The following TUBG2 variants were observed in gnomAD, a reference collection of about 807,000 sequenced individuals.
TUBG2 encodes tubulin gamma-2 chain.
A neutral mutation model predicts 55.1 loss-of-function variants in TUBG2; 39 were observed. The observed-to-expected ratio is 0.71, with a 90% CI of 0.55 to 0.93. The LOEUF is 0.93. TUBG2 is among the 40% of genes least tolerant of loss of function. TUBG2 has a pLI of 0.00. For missense variants in TUBG2, 358 were observed against 599.1 expected (o/e 0.60, Z 4.20); for synonymous variants, 223 against 241.0 (o/e 0.93, Z 0.69).
At position 42,659,543 on chromosome 17, in the gene TUBG2, G is replaced by A; in HGVS notation, c.40G>A (p.Gly14Ser). 2 of 1,549,458 alleles carry A rather than the reference G, an allele frequency of 1.3e-6. No individual in the cohort carries two copies. The highest frequency in any genetic ancestry group is 1.7e-6 in the Non-Finnish European group (2 of 1,146,924). The change falls in exon 1 of 11, where the codon GGC becomes AGC. Residue 14 changes from glycine to serine, a missense_variant. Physicochemically the swap from Gly to Ser is moderately conservative, Grantham distance 56 (BLOSUM62 0). Transcript: ENST00000251412. ...CATCACCCTGCAGCTGGGCCAGTGC[G>A]GCAACCAGAGTGAGCAAGCGAGCGC... is the stretch of plus-strand genomic sequence containing the variant. ...EIITLQLGQCGNQIGFEFWKQ... is the reference protein window; with the variant it reads ...EIITLQLGQCSNQIGFEFWKQ...
chr17:42,666,639 C>A lies in TUBG2; in HGVS notation c.1195C>A (p.Arg399=). 6.2e-7 allele frequency: 1 copy of A among 1,614,228 alleles called. No individual in the cohort carries two copies. Reference sequence around the variant, plus strand: ...TTCCTGCCAGCAGTTTGACAAGCTGCGGAAGCGGGATGCCTTCCTCGAGCA... The same window carrying A: ...TTCCTGCCAGCAGTTTGACAAGCTGAGGAAGCGGGATGCCTTCCTCGAGCA... ...ESSCQQFDKL[R]KRDAFLEQFR... The change falls in exon 11 of 11, where the codon CGG becomes AGG. Residue 399 remains arginine, a synonymous_variant. Transcript: ENST00000251412.
At position 42,659,341 on chromosome 17, in the gene TUBG2, C is replaced by G. The variant is rs530195919; in HGVS notation, c.-163C>G. On this transcript the variant is annotated 5_prime_UTR_variant, in exon 1 of 11. Transcript: ENST00000251412. The stretch of plus-strand genomic sequence containing the variant: ...TGCCCAGGTTGGGCTCCCCGGCCCA[C>G]CGGCCGAGGAGAGGCCTGCGCTGCA... 16 of 663,570 alleles carry G rather than the reference C, an allele frequency of 2.4e-5. No homozygotes were observed. Among genetic ancestry groups the G allele is most frequent in the Non-Finnish European group, 3.8e-5 (16 of 423,312 alleles). 41.1% of individuals were successfully genotyped at this position (663,570 alleles called of 1,614,324 possible).
intron 4 of TUBG2, 49 bp from the exon 5 acceptor site, chr17:42,662,924 G>C: frequency 6.3e-7 from 1 of 1,581,368 alleles, no homozygotes; most frequent in Non-Finnish European, 8.7e-7. Flanking sequence ...ATTGTGTTGT[G>C]AGAGTGTGGC....
At chr17:42,661,738 C>A (rs2052390349) in intron 4 of TUBG2, among the ~76,000 whole-genome samples, 1 of 152,214 alleles carries the variant, frequency 6.6e-6, no homozygotes, top group Non-Finnish European at 1.5e-5. Flanking sequence ...TTTAAAATAT[C>A]CTTTATAACA....
At chr17:42,664,961 G>T (rs2052487108) in intron 6 of TUBG2, among the ~76,000 whole-genome samples, 1 of 149,970 alleles carries the variant, frequency 6.7e-6, no homozygotes, top group East Asian at 1.9e-4. Flanking sequence ...CTGGCCTCGA[G>T]TGGTCCTCCC....
intron 5 of TUBG2, 53 bp from the exon 6 acceptor site, chr17:42,663,324 A>G: frequency 6.2e-7 from 1 of 1,609,412 alleles, no homozygotes; most frequent in South Asian, 1.1e-5. Context: ...ACATATGGGC[A>G]GTGATGGAGG....
intron 4 of TUBG2, chr17:42,661,470 T>C (rs2052381318): frequency 6.6e-6 from 1 of 152,158 alleles, no homozygotes; most frequent in Non-Finnish European, 1.5e-5. Flanking sequence ...GGCCCACCCC[T>C]CACCTCTGGG....
At chr17:42,660,734 T>C (rs1268815466) in intron 4 of TUBG2, 27 bp downstream of exon 4, 1 of 1,610,608 alleles carries the variant, frequency 6.2e-7, no homozygotes, top group African/African-American at 1.3e-5. Flanking sequence ...GGGGAAGGAA[T>C]GGGCAGGGAG....
intron 2 of TUBG2, 25 bp downstream of exon 2, chr17:42,659,971 G>T (rs781686260): frequency 1.1e-5 from 17 of 1,579,688 alleles, no homozygotes; most frequent in Non-Finnish European, 1.5e-5. Context: ...TTGGCCGGGG[G>T]CGGCAGTGGC....
intron 7 of TUBG2, 35 bp from the exon 8 acceptor site, chr17:42,665,643 G>A: frequency 6.2e-7 from 1 of 1,614,058 alleles, no homozygotes; most frequent in Non-Finnish European, 8.5e-7. Flanking sequence ...GTCCCACCCA[G>A]GCCGAGCCCC....
At chr17:42,664,089 G>C (rs2052458599) in intron 6 of TUBG2, among the ~76,000 whole-genome samples, 1 of 151,942 alleles carries the variant, frequency 6.6e-6, no homozygotes, top group Non-Finnish European at 1.5e-5. Flanking sequence ...CTGGGTGACA[G>C]AGCGAGACTC....
chr17:42,660,582 G>A, intron 3 of TUBG2, 57 bp from the exon 4 acceptor site: 1 of 1,526,492 alleles, frequency 6.6e-7, no homozygotes. Context: ...GCTGTGCTGA[G>A]AAAAGATGCT....
At chr17:42,665,989 T>A (rs948556103) in intron 8 of TUBG2, 98 bp from the exon 9 acceptor site, 6 of 1,596,934 alleles carry the variant, frequency 3.8e-6, no homozygotes, top group Non-Finnish European at 5.1e-6. Context: ...TTGCTGACTT[T>A]CTCTCCACCC....
rs752719048 is a variant in TUBG2 at position 42,663,394 on chromosome 17, T to C, written c.497T>C (p.Val166Ala). 4 of 1,614,030 alleles carry C rather than the reference T, an allele frequency of 2.5e-6. No homozygotes were observed. Among genetic ancestry groups the C allele is most frequent in the South Asian group, 1.1e-5 (1 of 91,084 alleles). Residue 166 changes from valine (V) to alanine (A), a missense_variant, in exon 6 of 11, where the codon GTG becomes GCG. This residue lies in a region of TUBG2 where 40 missense variants were observed against 40.4 expected (regional missense o/e 0.99). Transcript: ENST00000251412. ...RLNDRYPKKL[V>A]QTYSVFPYQD... is the part of the protein sequence containing the mutation. The stretch of plus-strand genomic sequence containing the variant: ...TCTCTCAGGTACCCCAAGAAGCTAG[T>C]GCAGACTTATTCAGTGTTTCCCTAC...
rs141301491 is a variant in TUBG2, at chr17:42,664,862, A to ATATG, written c.607-611_607-610insGTAT. 1.2e-3 allele frequency among the ~76,000 whole-genome samples: 180 copies of ATATG among 144,784 alleles called. 1 individual carries two copies. Among genetic ancestry groups the ATATG allele is most frequent in the East Asian group, 9.7e-3 (49 of 5,036 alleles). 95.0% of individuals were successfully genotyped at this position (144,784 alleles called of 152,430 possible). A position where few individuals can be genotyped will look rare whatever the true frequency, so the allele number is the denominator to read the frequency against. On this transcript the variant is annotated intron_variant, in intron 6 of 10. Transcript: ENST00000251412. Reference sequence around the variant, plus strand: ...ATTTTTTATTTATATTTATATATATATATATATATTATATATATTTATACT... The same window carrying ATATG: ...ATTTTTTATTTATATTTATATATATATATGTATATATATTATATATATTTATACT...
intron 3 of TUBG2, 102 bp downstream of exon 3, chr17:42,660,418 A>T (rs2052355995): frequency 1.3e-6 from 2 of 1,563,410 alleles, no homozygotes; most frequent in Admixed American, 1.8e-5. Flanking sequence ...AATAAGAGAC[A>T]AAAGGATGTC....
chr17:42,659,988 G>T, intron 2 of TUBG2, 42 bp downstream of exon 2: 1 of 1,534,318 alleles, frequency 6.5e-7, no homozygotes, highest in South Asian at 1.2e-5. Context: ...TGGCCCAAGG[G>T]GGCGGAAGGG....
At position 42,665,543 on chromosome 17, in the gene TUBG2, T is replaced by C. The variant is rs1567949204; in HGVS notation, c.674T>C (p.Phe225Ser). Reference sequence around the variant, plus strand: ...CGCCTGCACATCCAGAACCCGTCCTTCTCCCAGATCAACCAGCTGGTGGGC... The same window carrying C: ...CGCCTGCACATCCAGAACCCGTCCTCCTCCCAGATCAACCAGCTGGTGGGC... Reference protein sequence around the residue: ...TDRLHIQNPSFSQINQLVSTI... With the variant: ...TDRLHIQNPSSSQINQLVSTI... Residue 225 changes from phenylalanine (F) to serine (S), a missense_variant, in exon 7 of 11, where the codon TTC (phenylalanine) becomes TCC (serine). Phe to Ser is a radical substitution (Grantham distance 155, BLOSUM62 -2). Coordinates refer to ENST00000251412, the MANE Select transcript of TUBG2 (RefSeq NM_016437.3). 1.2e-6 allele frequency: 2 copies of C among 1,613,912 alleles called. No individual in the cohort carries two copies. The highest frequency in any genetic ancestry group is 1.7e-6 in the Non-Finnish European group (2 of 1,179,972).
rs550160189 is a variant in TUBG2 at position 42,665,719 on chromosome 17, C to T, written c.735C>T (p.Tyr245=). 2.5e-6 allele frequency: 4 copies of T among 1,614,206 alleles called. No homozygotes were observed. In the East Asian group the frequency reaches 8.9e-5, roughly 36 times the overall value. Reference sequence around the variant, plus strand: ...CGGCCAGCACCACCACCCTGCGCTACCCCGGCTACATGAACAATGACCTCA... The same window carrying T: ...CGGCCAGCACCACCACCCTGCGCTATCCCGGCTACATGAACAATGACCTCA... The part of the protein sequence containing the change: ...IMSASTTTLR[Y]PGYMNNDLIG... Residue 245 remains tyrosine, a synonymous_variant, in exon 8 of 11, where the codon TAC becomes TAT. Coordinates refer to ENST00000251412, the MANE Select transcript of TUBG2 (RefSeq NM_016437.3).
Sources: allele counts gnomAD v4.1 joint callset (sites outside exome capture counted in the v4.1 genomes callset), GRCh38; gene constraint gnomAD v4.1.1; regional missense constraint gnomAD v4.1.1; transcripts MANE v1.5; gene names NCBI Gene and HGNC (gene_info 2026-07-23, HGNC 2026-07-21).